SLCO2A1: variants seen among roughly 807,000 people sequenced by gnomAD.
SLCO2A1 encodes the protein solute carrier organic anion transporter family member 2A1.
SLCO2A1 carries 60 observed loss-of-function variants against 71.7 expected under a neutral mutation model. That is an observed-to-expected ratio of 0.84 (90% CI 0.68 to 1.04). The LOEUF is 1.04. SLCO2A1 is among the 50% of genes least tolerant of loss of function. The probability of loss-of-function intolerance (pLI) is 0.00; values close to 1 mark genes in which losing one functional copy is unlikely to be tolerated. For synonymous variants in SLCO2A1, 308 were observed against 326.7 expected (o/e 0.94, Z 0.62); for missense variants, 745 against 813.4 (o/e 0.92, Z 1.02).
chr3:133,949,101 A>G (rs1933669231), intron 6 of SLCO2A1, 130 bp from the exon 7 acceptor site: 1 of 696,100 alleles, frequency 1.4e-6, no homozygotes, highest in Non-Finnish European at 2.5e-6. Flanking sequence ...GCGTGTGTGC[A>G]TGGGAGGGCA....
chr3:133,996,941 C>T (rs1934979150), intron 1 of SLCO2A1, among the ~76,000 whole-genome samples: 2 of 152,178 alleles, frequency 1.3e-5, no homozygotes, highest in Admixed American at 1.3e-4. Context: ...ATCTCTCTGT[C>T]CTATGGGATA....
intron 1 of SLCO2A1, among the ~76,000 whole-genome samples, chr3:134,014,562 G>A (rs1253951791): frequency 6.6e-6 from 1 of 152,184 alleles, no homozygotes; most frequent in Non-Finnish European, 1.5e-5. Context: ...GCTTTCGCCA[G>A]GTTTCATAAC....
chr3:133,947,125 C>G, intron 9 of SLCO2A1, 131 bp downstream of exon 9: 1 of 750,762 alleles, frequency 1.3e-6, no homozygotes, highest in Non-Finnish European at 2.1e-6. Flanking sequence ...CGGAGCGAGA[C>G]TCTGTCTCAA....
chr3:134,018,119 G>A (rs143152367), intron 1 of SLCO2A1, among the ~76,000 whole-genome samples: 10 of 152,288 alleles, frequency 6.6e-5, no homozygotes, highest in African/African-American at 1.9e-4. Flanking sequence ...GATCCTACCC[G>A]TTCCCGTTGT....
rs192186603 is a variant in SLCO2A1 at position 133,952,371 on chromosome 3, C to T, written c.725-1027G>A. 1.8e-4 allele frequency among the ~76,000 whole-genome samples: 27 copies of T among 152,344 alleles called. 1 individual carries two copies. Among genetic ancestry groups the T allele is most frequent in the Admixed American group, 3.9e-4 (6 of 15,306 alleles). ...ACTAGCACCTGCCAGATATCTGTGA[C>T]GTGACTTGTTTGCAGGGCAGTGGTG... On this transcript the variant is annotated intron_variant, in intron 5 of 13. Transcript: ENST00000310926.
chr3:133,997,967 T>C (rs1022933616), intron 1 of SLCO2A1, among the ~76,000 whole-genome samples: 1 of 152,224 alleles, frequency 6.6e-6, no homozygotes, highest in Non-Finnish European at 1.5e-5. Flanking sequence ...TGTAAAGCCC[T>C]AGCTCACAGC....
At chr3:133,935,109 C>A (rs1248463648) in intron 13 of SLCO2A1, among the ~76,000 whole-genome samples, 1 of 152,136 alleles carries the variant, frequency 6.6e-6, no homozygotes, top group Non-Finnish European at 1.5e-5. Flanking sequence ...GCCCCAGCCA[C>A]CCCCAGACGG....
chr3:133,953,007 C>A (rs1246083446), intron 5 of SLCO2A1, among the ~76,000 whole-genome samples: 1 of 152,110 alleles, frequency 6.6e-6, no homozygotes, highest in East Asian at 1.9e-4. Context: ...CTTAAAGAAC[C>A]AGCAACATCT....
chr3:133,997,045 A>C (rs1230514312), intron 1 of SLCO2A1, among the ~76,000 whole-genome samples: 2 of 152,080 alleles, frequency 1.3e-5, no homozygotes, highest in Admixed American at 6.5e-5. Flanking sequence ...CACATAACCG[A>C]CTGTCTTGGC....
chr3:134,010,690 G>A (rs1476566137), intron 1 of SLCO2A1, among the ~76,000 whole-genome samples: 2 of 146,666 alleles, frequency 1.4e-5, no homozygotes, highest in Non-Finnish European at 3.0e-5. Flanking sequence ...GGAGGCAGAG[G>A]TTGCAGTGAG....
At chr3:133,988,973 C>T (rs1260607632) in intron 1 of SLCO2A1, among the ~76,000 whole-genome samples, 5 of 152,216 alleles carry the variant, frequency 3.3e-5, no homozygotes, top group Admixed American at 3.3e-4. Context: ...AAAGGGAAAA[C>T]CCCATCTTCC....
intron 1 of SLCO2A1, 77 bp downstream of exon 1, chr3:134,029,630 G>A (rs1935780584): frequency 3.2e-6 from 4 of 1,252,144 alleles, no homozygotes; most frequent in Non-Finnish European, 3.3e-6. Context: ...CCTGGCTCCG[G>A]CAGACAGAAG....
At chr3:133,984,537 C>T (rs1288449681) in intron 1 of SLCO2A1, among the ~76,000 whole-genome samples, 1 of 152,168 alleles carries the variant, frequency 6.6e-6, no homozygotes, top group East Asian at 1.9e-4. Context: ...CACTCAGGGT[C>T]ACAGCCATCT....
intron 1 of SLCO2A1, among the ~76,000 whole-genome samples, chr3:133,985,987 C>A (rs1444289547): frequency 6.6e-6 from 1 of 152,200 alleles, no homozygotes; most frequent in Non-Finnish European, 1.5e-5. Flanking sequence ...TGGCTAAACC[C>A]AAACTGAAAT....
At chr3:133,956,359 C>T (rs1412392382) in intron 3 of SLCO2A1, among the ~76,000 whole-genome samples, 1 of 152,198 alleles carries the variant, frequency 6.6e-6, no homozygotes, top group African/African-American at 2.4e-5. Flanking sequence ...CCTTTCCCCT[C>T]TCCCCAGTCG....
At chr3:134,000,504 A>G (rs879755556) in intron 1 of SLCO2A1, among the ~76,000 whole-genome samples, 15 of 152,260 alleles carry the variant, frequency 9.9e-5, no homozygotes, top group Admixed American at 9.1e-4. Flanking sequence ...AACTTGAGTC[A>G]CACACCTGGG....
At chr3:133,962,119 G>A (rs6804465) in intron 3 of SLCO2A1, among the ~76,000 whole-genome samples, 6,776 of 151,884 alleles carry the variant, frequency 0.045, 490 homozygotes, top group African/African-American at 0.16. Context: ...TCGCTCTGTC[G>A]CCCAGGCTGG....
At chr3:133,984,321 C>G (rs537056510) in intron 1 of SLCO2A1, among the ~76,000 whole-genome samples, 3 of 152,310 alleles carry the variant, frequency 2.0e-5, no homozygotes, top group African/African-American at 7.2e-5. Context: ...CTTCACAGAG[C>G]CAATCTCGCC....
rs143929732 is a variant in SLCO2A1 at position 133,987,489 on chromosome 3, C to T, written c.97-7871G>A. On this transcript the variant is annotated intron_variant, in intron 1 of 13. Transcript: ENST00000310926. ...TGTCAATCAGAAAATTTTAAATCTACCTATAAACTGGAAGTCCTCCCCCCA... is the reference window on the plus strand; with the variant it reads ...TGTCAATCAGAAAATTTTAAATCTATCTATAAACTGGAAGTCCTCCCCCCA... Among the ~76,000 whole-genome samples, 225 of 152,066 alleles carry T rather than the reference C, an allele frequency of 1.5e-3. 2 individuals are homozygous for T. Among genetic ancestry groups the T allele is most frequent in the African/African-American group, 5.0e-3 (206 of 41,466 alleles).
Sources: allele counts gnomAD v4.1 joint callset (sites outside exome capture counted in the v4.1 genomes callset), GRCh38; gene constraint gnomAD v4.1.1; transcripts MANE v1.5; gene names NCBI Gene and HGNC (gene_info 2026-07-23, HGNC 2026-07-21).